Variants in CHRM2 observed in about 807,000 individuals in gnomAD.
CHRM2 encodes the protein muscarinic acetylcholine receptor M2.
A neutral mutation model predicts 25.0 loss-of-function variants in CHRM2; 8 were observed. That is an observed-to-expected ratio of 0.32 (90% CI 0.19 to 0.58). CHRM2 has a LOEUF of 0.58. Among genes scored for constraint, CHRM2 ranks in the 20% least tolerant of loss-of-function variants. The pLI, the probability that CHRM2 is intolerant of heterozygous loss-of-function variation, is 0.88. For synonymous variants in CHRM2, 202 were observed against 205.7 expected (o/e 0.98, Z 0.15); for missense variants, 440 against 567.1 (o/e 0.78, Z 2.28).
chr7:136,915,443 T>G (rs921183029), intron 2 of CHRM2, among the ~76,000 whole-genome samples: 2 of 151,876 alleles, frequency 1.3e-5, no homozygotes, highest in African/African-American at 2.4e-5. Flanking sequence ...TTGAATTGAC[T>G]GATAGGTTTT....
At chr7:136,990,558 G>T (rs1431958138) in intron 2 of CHRM2, among the ~76,000 whole-genome samples, 1 of 151,868 alleles carries the variant, frequency 6.6e-6, no homozygotes, top group African/African-American at 2.4e-5. Flanking sequence ...TAACTTACTT[G>T]TTTTTAGCAT....
At chr7:137,001,000 A>C (rs1803998534) in intron 3 of CHRM2, among the ~76,000 whole-genome samples, 2 of 152,190 alleles carry the variant, frequency 1.3e-5, no homozygotes, top group South Asian at 4.1e-4. Context: ...TGAGTGTTAA[A>C]AACTTGGTTA....
chr7:137,000,535 GAA>G (rs1319801733), intron 3 of CHRM2, among the ~76,000 whole-genome samples: 3 of 99,914 alleles, frequency 3.0e-5, no homozygotes, highest in Non-Finnish European at 2.0e-5. Context: ...AAGAAAGAAA[GAA>G]AAGAAAGAAA....
intron 2 of CHRM2, among the ~76,000 whole-genome samples, chr7:136,925,293 C>T (rs1044462580): frequency 1.3e-5 from 2 of 152,064 alleles, no homozygotes; most frequent in African/African-American, 4.8e-5. Context: ...CAAGTAGAAA[C>T]TTCTATCTTT....
At chr7:136,992,676 G>A (rs901797460) in intron 3 of CHRM2, among the ~76,000 whole-genome samples, 12 of 152,088 alleles carry the variant, frequency 7.9e-5, no homozygotes, top group East Asian at 1.9e-4. Context: ...CAGCGTTCAC[G>A]TTGATTTTAT....
intron 2 of CHRM2, among the ~76,000 whole-genome samples, chr7:136,876,659 T>A (rs1436938638): frequency 6.6e-6 from 1 of 152,020 alleles, no homozygotes; most frequent in Non-Finnish European, 1.5e-5. Flanking sequence ...AGGATCTACA[T>A]TTTTAAGATT....
At chr7:136,944,539 A>G (rs1459794882) in intron 2 of CHRM2, among the ~76,000 whole-genome samples, 1 of 152,058 alleles carries the variant, frequency 6.6e-6, no homozygotes, top group African/African-American at 2.4e-5. Context: ...ACATATATAC[A>G]TATATATCAC....
At chr7:136,993,698 A>C (rs377713907) in intron 3 of CHRM2, among the ~76,000 whole-genome samples, 2 of 152,302 alleles carry the variant, frequency 1.3e-5, no homozygotes, top group Middle Eastern at 3.4e-3. Flanking sequence ...TTATCTCTTT[A>C]GTAAAGAAAA....
At chr7:136,899,252 G>T (rs1490086063) in intron 2 of CHRM2, 1 of 151,924 alleles carries the variant, frequency 6.6e-6, no homozygotes, top group Non-Finnish European at 1.5e-5. Context: ...ATTCAAAAAG[G>T]GCTCTTTCTG....
At chr7:136,925,023 G>C (rs746365995) in intron 2 of CHRM2, among the ~76,000 whole-genome samples, 14 of 152,152 alleles carry the variant, frequency 9.2e-5, no homozygotes, top group African/African-American at 1.4e-4. Flanking sequence ...ACAAGGTATT[G>C]TGTGGTGCTA....
intron 2 of CHRM2, among the ~76,000 whole-genome samples, chr7:136,969,121 G>T (rs1023953378): frequency 7.9e-5 from 12 of 152,054 alleles, no homozygotes; most frequent in African/African-American, 2.9e-4. Flanking sequence ...TACTTGAGGG[G>T]CATTATGTAG....
At chr7:136,990,080 T>A (rs1220520605) in intron 2 of CHRM2, among the ~76,000 whole-genome samples, 1 of 152,128 alleles carries the variant, frequency 6.6e-6, no homozygotes. Context: ...ACTTTATTTT[T>A]TAAAGCAGTT....
intron 2 of CHRM2, among the ~76,000 whole-genome samples, chr7:136,987,419 C>T (rs1242517134): frequency 6.6e-6 from 1 of 152,216 alleles, no homozygotes; most frequent in Non-Finnish European, 1.5e-5. Flanking sequence ...CCATGAACAT[C>T]CTCTCACCAT....
intron 3 of CHRM2, among the ~76,000 whole-genome samples, chr7:137,010,635 T>C (rs532613193): frequency 4.2e-4 from 64 of 152,110 alleles, no homozygotes; most frequent in African/African-American, 1.5e-3. Flanking sequence ...AGCCTTCCAC[T>C]GCTTGCGATT....
At chr7:137,013,926 C>G (rs1361564958) in intron 3 of CHRM2, among the ~76,000 whole-genome samples, 3 of 151,966 alleles carry the variant, frequency 2.0e-5, no homozygotes, top group Non-Finnish European at 2.9e-5. Flanking sequence ...GCCTTAGTTC[C>G]TTCTACAAAA....
chr7:136,941,247 C>A (rs1799755212), intron 2 of CHRM2, among the ~76,000 whole-genome samples: 1 of 152,162 alleles, frequency 6.6e-6, no homozygotes, highest in African/African-American at 2.4e-5. Flanking sequence ...AGTCCAGATA[C>A]CTTAACTTGG....
At chr7:136,901,466 T>A (rs1029507836) in intron 2 of CHRM2, among the ~76,000 whole-genome samples, 1 of 151,974 alleles carries the variant, frequency 6.6e-6, no homozygotes, top group Admixed American at 6.6e-5. Context: ...ACAAAACACA[T>A]TTATTTAGCA....
At chr7:137,011,218 T>TATATATATAC (rs1804802181) in intron 3 of CHRM2, among the ~76,000 whole-genome samples, 1 of 128,020 alleles carries the variant, frequency 7.8e-6, no homozygotes, top group African/African-American at 3.3e-5. Flanking sequence ...TGTGTGTGTA[T>TATATATATAC]ATATATATAT....
At chr7:136,988,772 G>C (rs1383764410) in intron 2 of CHRM2, among the ~76,000 whole-genome samples, 1 of 152,050 alleles carries the variant, frequency 6.6e-6, no homozygotes, top group Non-Finnish European at 1.5e-5. Context: ...TGATTATCTT[G>C]TGTTCTTGTC....
Sources: gnomAD v4.1 joint callset for allele counts (sites outside exome capture counted in the v4.1 genomes callset) on GRCh38, gnomAD v4.1.1 for gene constraint, MANE v1.5 for transcripts, NCBI Gene and HGNC (gene_info 2026-07-23, HGNC 2026-07-21) for gene names.